KCNN2: variants seen among roughly 807,000 people sequenced by gnomAD.
The protein encoded by KCNN2 is small conductance calcium-activated potassium channel protein 2.
In KCNN2, 24 loss-of-function variants were observed where a neutral mutation model predicts 55.5. The observed-to-expected ratio is 0.43, with a 90% CI of 0.31 to 0.61. KCNN2 has a LOEUF of 0.61. Ranked by LOEUF, KCNN2 falls within the 20% of genes least tolerant of loss-of-function variation. KCNN2 has a pLI of 0.08. For synonymous variants in KCNN2, 431 were observed against 336.1 expected (o/e 1.28, Z -3.09); for missense variants, 754 against 853.6 (o/e 0.88, Z 1.45).
At chr5:114,357,295 AT>A (rs200568310), upstream of KCNN2, among the ~76,000 whole-genome samples, 12,428 of 145,040 alleles carry the variant, frequency 0.086, 1,410 homozygotes, top group African/African-American at 0.27. Flanking sequence ...ACAACATGAA[AT>A]TTTTTTTTTT....
intron 2 of KCNN2, among the ~76,000 whole-genome samples, chr5:114,261,367 C>T (rs1434699794): frequency 6.6e-6 from 1 of 152,154 alleles, no homozygotes; most frequent in African/African-American, 2.4e-5. Context: ...AGGTGAAGAC[C>T]TCAGCTTTGC....
chr5:114,107,113 G>T (rs1470613000), intron 1 of KCNN2, among the ~76,000 whole-genome samples: 3 of 151,948 alleles, frequency 2.0e-5, no homozygotes, highest in Non-Finnish European at 4.4e-5. Context: ...CCTCTCATAT[G>T]ATTATCCAAT....
intron 1 of KCNN2, among the ~76,000 whole-genome samples, chr5:114,162,032 C>A (rs1310006079): frequency 6.6e-6 from 1 of 152,200 alleles, no homozygotes; most frequent in Non-Finnish European, 1.5e-5. Context: ...CAGCTTTGTT[C>A]CATTGCTGGT....
At position 114,059,697 on chromosome 5, in the gene KCNN2, G is replaced by A. The variant is rs148264735; in HGVS notation, c.-271+3197G>A. On this transcript the variant is annotated intron_variant, in intron 1 of 10. Coordinates refer to the KCNN2 transcript ENST00000512097. Reference sequence around the variant, plus strand: ...GCTGAGGCAAGTCTAATGGTAGTGCGAGCCCTTTACGAGACCCCAGAGCTA... The same window carrying A: ...GCTGAGGCAAGTCTAATGGTAGTGCAAGCCCTTTACGAGACCCCAGAGCTA... Among the ~76,000 whole-genome samples the A allele has an allele frequency of 2.4e-4, 37 of 152,228 alleles. No homozygotes were observed. In the East Asian group the frequency reaches 5.8e-3, roughly 24 times the overall value.
chr5:114,141,396 C>G (rs549773100), intron 1 of KCNN2, among the ~76,000 whole-genome samples: 2 of 151,652 alleles, frequency 1.3e-5, no homozygotes, highest in Non-Finnish European at 1.5e-5. Flanking sequence ...TTTTTTTGTC[C>G]TTGTGATAGT....
intron 1 of KCNN2, among the ~76,000 whole-genome samples, chr5:114,107,896 C>T (rs889867324): frequency 1.3e-5 from 2 of 151,892 alleles, no homozygotes; most frequent in South Asian, 2.1e-4. Context: ...CTCTTGGTGA[C>T]GTTTTGCCGC....
intron 2 of KCNN2, among the ~76,000 whole-genome samples, chr5:114,399,020 C>T (rs778591338): frequency 2.0e-5 from 3 of 152,048 alleles, no homozygotes; most frequent in African/African-American, 4.8e-5. Flanking sequence ...TCTTCCTATT[C>T]GGATTCATTT....
chr5:114,239,106 C>T (rs143494250), intron 2 of KCNN2, among the ~76,000 whole-genome samples: 145 of 152,286 alleles, frequency 9.5e-4, no homozygotes, highest in African/African-American at 3.1e-3. Flanking sequence ...AGTTAGTATG[C>T]TCTTTGGAGG....
chr5:114,361,695 C>T (rs575633378), upstream of KCNN2, among the ~76,000 whole-genome samples: 1 of 152,170 alleles, frequency 6.6e-6, no homozygotes, highest in Admixed American at 6.5e-5. Flanking sequence ...CGCAGGTGAT[C>T]CGGGCAGCGC....
intron 2 of KCNN2, among the ~76,000 whole-genome samples, chr5:114,275,470 C>T (rs3112754): frequency 0.9 from 136,507 of 152,124 alleles, 61,650 homozygotes; most frequent in East Asian, 0.94. Context: ...GTCCTGGACT[C>T]TTTTTGGTTG....
chr5:114,239,973 T>G (rs1158912923), intron 2 of KCNN2, among the ~76,000 whole-genome samples: 1 of 152,160 alleles, frequency 6.6e-6, no homozygotes, highest in Non-Finnish European at 1.5e-5. Context: ...AATTCGTATA[T>G]TATTGAAATA....
At chr5:114,231,388 G>T (rs1754355515) in intron 2 of KCNN2, among the ~76,000 whole-genome samples, 2 of 136,750 alleles carry the variant, frequency 1.5e-5, no homozygotes, top group Non-Finnish European at 3.1e-5. Flanking sequence ...GTAATGCCTA[G>T]GTTTTCTTCT....
chr5:114,101,768 C>T (rs1354969918), intron 1 of KCNN2, among the ~76,000 whole-genome samples: 1 of 152,074 alleles, frequency 6.6e-6, no homozygotes, highest in Admixed American at 6.6e-5. Flanking sequence ...ATGAACTCAT[C>T]CTTTTTATGG....
intron 1 of KCNN2, among the ~76,000 whole-genome samples, chr5:114,207,507 G>C (rs1753800087): frequency 6.6e-6 from 1 of 152,162 alleles, no homozygotes. Flanking sequence ...AGAAAGACCT[G>C]TAAATTTTCA....
chr5:114,274,165 T>C (rs570796390), intron 2 of KCNN2, among the ~76,000 whole-genome samples: 1 of 152,314 alleles, frequency 6.6e-6, no homozygotes, highest in South Asian at 2.1e-4. Flanking sequence ...TGTGCTATTA[T>C]TTTGAAGGCC....
chr5:114,445,292 C>G (rs1760360822), intron 3 of KCNN2, among the ~76,000 whole-genome samples: 1 of 152,078 alleles, frequency 6.6e-6, no homozygotes, highest in Non-Finnish European at 1.5e-5. Context: ...CAAAAATGCC[C>G]TACAACATGC....
chr5:114,081,214 AC>A (rs1411977023), intron 1 of KCNN2, among the ~76,000 whole-genome samples: 7 of 152,086 alleles, frequency 4.6e-5, no homozygotes, highest in Non-Finnish European at 1.0e-4. Flanking sequence ...TGTCAGGTCT[AC>A]CCCCCAAAAT....
intron 1 of KCNN2, among the ~76,000 whole-genome samples, chr5:114,168,425 C>A (rs1397887633): frequency 6.6e-6 from 1 of 152,094 alleles, no homozygotes; most frequent in Admixed American, 6.6e-5. Flanking sequence ...TTAAGCATTT[C>A]TTCCAATGAC....
intron 1 of KCNN2, among the ~76,000 whole-genome samples, chr5:114,146,642 G>T (rs918890315): frequency 6.6e-6 from 1 of 152,284 alleles, no homozygotes; most frequent in African/African-American, 2.4e-5. Flanking sequence ...TTAGGAGAAG[G>T]CCTCAGGGAT....
Sources: allele counts gnomAD v4.1 joint callset (sites outside exome capture counted in the v4.1 genomes callset), GRCh38; gene constraint gnomAD v4.1.1; transcripts MANE v1.5; gene names NCBI Gene and HGNC (gene_info 2026-07-23, HGNC 2026-07-21).